The following FES variants were observed in gnomAD, a reference collection of about 807,000 sequenced individuals.
FES encodes FES proto-oncogene, tyrosine kinase, also known as tyrosine-protein kinase Fes/Fps.
In FES, 83 loss-of-function variants were observed where a neutral mutation model predicts 109.6. The ratio of observed to expected loss-of-function variants is 0.76; its 90% CI spans 0.63 to 0.91. The LOEUF is 0.91. Ranked by LOEUF, FES falls within the 40% of genes least tolerant of loss-of-function variation. The pLI is 0.00. For synonymous variants in FES, 458 were observed against 442.1 expected (o/e 1.04, Z -0.45); for missense variants, 943 against 1,070.9 (o/e 0.88, Z 1.67).
chr15:90,886,916 A>G (rs2032693057), intron 3 of FES, 45 bp from the exon 4 acceptor site: 1 of 1,583,442 alleles, frequency 6.3e-7, no homozygotes. Flanking sequence ...AATCTTCCAC[A>G]ACTGGGGACC....
chr15:90,894,130 T>A (rs2033494975), intron 18 of FES, 72 bp downstream of exon 18: 1 of 1,547,820 alleles, frequency 6.5e-7, no homozygotes, highest in African/African-American at 1.4e-5. Flanking sequence ...CTCTTCTAAC[T>A]CCCTTAATGC....
In FES at chr15:90,885,050, G is replaced by C. The variant is rs1567090495; in HGVS notation, c.5G>C (p.Gly2Ala). Residue 2 changes from glycine (G) to alanine (A), a missense_variant, in exon 2 of 19, where the codon GGC (glycine) becomes GCC (alanine). Coordinates refer to ENST00000328850, the MANE Select transcript of FES (RefSeq NM_002005.4). ...TTCTGTCCCCAGAACAGCACTATGGGCTTCTCTTCCGAGCTGTGCAGCCCC... is the reference window on the plus strand; with the variant it reads ...TTCTGTCCCCAGAACAGCACTATGGCCTTCTCTTCCGAGCTGTGCAGCCCC... Reference protein sequence around the residue: MGFSSELCSPQG... With the variant: MAFSSELCSPQG... 1 of 1,609,790 alleles carries C rather than the reference G, an allele frequency of 6.2e-7. No homozygotes were observed. The highest frequency in any genetic ancestry group is 1.7e-5 in the Admixed American group (1 of 59,810).
intron 18 of FES, among the ~76,000 whole-genome samples, chr15:90,894,594 C>A (rs866441160): frequency 1.3e-5 from 2 of 151,772 alleles, no homozygotes; most frequent in African/African-American, 2.4e-5. Flanking sequence ...TCAAAAAAAA[C>A]CAAAAAACAA....
chr15:90,890,210 C>T lies in FES; in HGVS notation c.1168C>T (p.His390Tyr). ...GGAGTTGCTGCAGACCAAGCTGGAG[C>T]ACCTGGGCCCCGGCGAGCCCCCGCC... ...QQELLQTKLE[H>Y]LGPGEPPPVL... The change falls in exon 9 of 19, where the codon CAC becomes TAC. Residue 390 changes from histidine (H) to tyrosine (Y), a missense_variant. Transcript: ENST00000328850. 2 of 1,601,406 alleles carry T rather than the reference C, an allele frequency of 1.2e-6. No homozygotes were observed. Among genetic ancestry groups the T allele is most frequent in the South Asian group, 1.1e-5 (1 of 90,900 alleles).
In FES at chr15:90,885,438, T is replaced by C; in HGVS notation, c.240T>C (p.Thr80=). Residue 80 remains threonine (T), a synonymous_variant, in exon 3 of 19, where the codon ACT becomes ACC. Transcript: ENST00000328850. ...CCTGGGCTGAGATCACCAGCCAAAC[T>C]GAGGGCCTGAGCCGCTTGCTGCGGC... ...SQSWAEITSQ[T]EGLSRLLRQH... is the part of the protein sequence containing the mutation. 1 of 1,613,088 alleles carries C rather than the reference T, an allele frequency of 6.2e-7. No individual in the cohort carries two copies. The highest frequency in any genetic ancestry group is 8.5e-7 in the Non-Finnish European group (1 of 1,179,952).
chr15:90,894,747 C>CAGAG (rs1555432574), intron 18 of FES, among the ~76,000 whole-genome samples: 1 of 150,944 alleles, frequency 6.6e-6, no homozygotes, highest in African/African-American at 2.4e-5. Flanking sequence ...ACCTGGGTGA[C>CAGAG]AGAGAGAGAG....
Position 90,889,818 on chromosome 15 carries a change from GC to G in FES, c.927-21del. 1 of 1,613,408 alleles carries G rather than the reference GC, an allele frequency of 6.2e-7. No individual in the cohort carries two copies. Reference sequence around the variant, plus strand: ...GGGGGCAGGAGGGCTCGGTTCTAATGCTGCCCTTCTCTTGGGTGCAGGCTGA... The same window carrying G: ...GGGGGCAGGAGGGCTCGGTTCTAATGTGCCCTTCTCTTGGGTGCAGGCTGA... On this transcript the variant is annotated intron_variant, in intron 7 of 18. Coordinates refer to ENST00000328850, the MANE Select transcript of FES (RefSeq NM_002005.4). This position sits in a 1 kb window ranked among gnomAD's most constrained non-coding sequence, Gnocchi z 6.1.
intron 5 of FES, 95 bp downstream of exon 5, chr15:90,887,465 G>A: frequency 7.5e-7 from 1 of 1,333,360 alleles, no homozygotes; most frequent in Non-Finnish European, 1.0e-6. Flanking sequence ...TCCATTGCTG[G>A]GAAGGTGCTG....
chr15:90,888,759 T>C (rs991556924), intron 5 of FES, among the ~76,000 whole-genome samples: 33 of 135,136 alleles, frequency 2.4e-4, no homozygotes, highest in African/African-American at 5.8e-4. Flanking sequence ...TTTATTTATT[T>C]ATTTATTTAT....
intron 12 of FES, 134 bp downstream of exon 12, chr15:90,891,810 C>A: frequency 7.4e-7 from 1 of 1,348,488 alleles, no homozygotes; most frequent in Non-Finnish European, 1.0e-6. Flanking sequence ...GTGAGTGACC[C>A]TCAGGGCCAG....
intron 10 of FES, 142 bp from the exon 11 acceptor site, chr15:90,890,840 G>A: frequency 1.2e-6 from 1 of 853,054 alleles, no homozygotes; most frequent in South Asian, 1.7e-5. Context: ...GCCCACTCCA[G>A]GGGCCTGTGG....
chr15:90,891,760 A>G (rs975569130), intron 12 of FES, 84 bp downstream of exon 12: 22 of 1,577,544 alleles, frequency 1.4e-5, no homozygotes, highest in Non-Finnish European at 1.8e-5. Flanking sequence ...TCTGAGCAGA[A>G]AGGGCTTTCC....
rs2033340485 is a variant in FES at position 90,892,704 on chromosome 15, CA to C, written c.1708-2del. The C allele has an allele frequency of 6.2e-7, 1 of 1,603,934 alleles. No homozygotes were observed. The highest frequency in any genetic ancestry group is 1.3e-5 in the African/African-American group (1 of 74,766). On this transcript the variant is annotated splice_acceptor_variant, in intron 13 of 18. Coordinates refer to ENST00000328850, the MANE Select transcript of FES (RefSeq NM_002005.4). LOFTEE classifies it high-confidence loss of function. ...CCGTGGTAGGAGCCCAAGACCGTTT[CA>C]GGGGAACTTTGGCGAAGTGTTCAGC...
chr15:90,895,421 C>T lies in FES; in HGVS notation c.2332C>T (p.Arg778Cys), dbSNP rs375467412. ...QTREFVEKGG[R>C]LPCPELCPDA... The stretch of plus-strand genomic sequence containing the variant: ...TGCTGTGCCTCTCCTCACAGGGGGC[C>T]GTCTGCCCTGCCCAGAGCTGTGTCC... Residue 778 changes from arginine (R) to cysteine (C), a missense_variant, in exon 19 of 19, where the codon CGT (arginine) becomes TGT (cysteine). Arg to Cys is a radical substitution (Grantham distance 180). Transcript: ENST00000328850. 3.5e-5 allele frequency: 54 copies of T among 1,542,956 alleles called. No homozygotes were observed. The highest frequency in any genetic ancestry group is 3.4e-4 in the Middle Eastern group (2 of 5,884).
At chr15:90,890,869 C>T (rs1469679740) in intron 10 of FES, 113 bp from the exon 11 acceptor site, 1 of 1,092,276 alleles carries the variant, frequency 9.2e-7, no homozygotes, top group Non-Finnish European at 1.3e-6. Flanking sequence ...GCATGCCACT[C>T]CATGGTTGTA....
Position 90,889,292 on chromosome 15 carries a change from C to T in FES, c.669-14C>T, listed in dbSNP as rs75665339. ...CTGAGGCTCCCCTGACTGGGGATCC[C>T]GTCTCGGGGGCAGGAAGGAGATCCT... On this transcript the variant is annotated splice_polypyrimidine_tract_variant and intron_variant, in intron 5 of 18. Transcript: ENST00000328850. The surrounding 1 kb of genome is among the most constrained non-coding windows in gnomAD (Gnocchi z 6.1). 4,920 of 1,612,354 alleles carry T rather than the reference C, an allele frequency of 3.1e-3. 137 individuals carry two copies. The African/African-American group carries it at 0.053, about 18-fold the overall frequency.
At chr15:90,890,307 C>T (rs372142935) in intron 9 of FES, 29 bp downstream of exon 9, 164 of 1,586,024 alleles carry the variant, frequency 1.0e-4, no homozygotes, top group Non-Finnish European at 1.3e-4. Flanking sequence ...GGCCGCTGCC[C>T]GCCACCGGCC....
intron 3 of FES, 106 bp downstream of exon 3, chr15:90,885,691 C>G: frequency 6.8e-7 from 1 of 1,472,710 alleles, no homozygotes; most frequent in East Asian, 2.4e-5. Context: ...GTGTAAGTCC[C>G]TGACCGCAGG....
chr15:90,894,573 G>C (rs548417037), intron 18 of FES, among the ~76,000 whole-genome samples: 2 of 152,060 alleles, frequency 1.3e-5, no homozygotes, highest in Non-Finnish European at 2.9e-5. Flanking sequence ...CGACAAGAGT[G>C]AAACTCCATC....
Sources: allele counts gnomAD v4.1 joint callset (sites outside exome capture counted in the v4.1 genomes callset), GRCh38; gene constraint gnomAD v4.1.1; non-coding constraint Gnocchi (gnomAD v3.1); transcripts MANE v1.5; gene names NCBI Gene and HGNC (gene_info 2026-07-23, HGNC 2026-07-21).